RAD51B: variants seen among roughly 807,000 people sequenced by gnomAD.
The protein encoded by RAD51B is RAD51 paralog B.
RAD51B carries 38 observed loss-of-function variants against 42.2 expected under a neutral mutation model. The observed-to-expected ratio is 0.90, with a 90% CI of 0.70 to 1.18. RAD51B has a LOEUF of 1.18. Ranked by LOEUF, RAD51B falls within the 50% of genes most tolerant of loss-of-function variation. RAD51B has a pLI of 0.00. For missense variants in RAD51B, 373 were observed against 400.7 expected (o/e 0.93, Z 0.59); for synonymous variants, 154 against 145.2 (o/e 1.06, Z -0.43).
At chr14:68,223,886 A>G (rs1011443677) in intron 7 of RAD51B, among the ~76,000 whole-genome samples, 3 of 152,236 alleles carry the variant, frequency 2.0e-5, no homozygotes, top group Admixed American at 1.3e-4. Context: ...CTTAGCCAGC[A>G]GGGAGGGAGG....
intron 7 of RAD51B, among the ~76,000 whole-genome samples, chr14:68,082,181 C>T (rs373961154): frequency 1.3e-5 from 2 of 151,996 alleles, no homozygotes; most frequent in Non-Finnish European, 2.9e-5. Context: ...AGGATGGTCT[C>T]GATCTCCTGA....
At chr14:68,110,180 G>T (rs530750366) in intron 7 of RAD51B, among the ~76,000 whole-genome samples, 2 of 151,978 alleles carry the variant, frequency 1.3e-5, no homozygotes. Context: ...TAGGGACACA[G>T]CTGTCTGCAA....
chr14:68,062,645 C>T (rs1017869895), intron 7 of RAD51B, among the ~76,000 whole-genome samples: 9 of 151,444 alleles, frequency 5.9e-5, no homozygotes, highest in African/African-American at 1.9e-4. Context: ...AAAACAACAA[C>T]AAAATACAAA....
chr14:67,996,403 T>TAAC (rs1244333380), intron 7 of RAD51B, among the ~76,000 whole-genome samples: 1 of 145,686 alleles, frequency 6.9e-6, no homozygotes, highest in African/African-American at 2.6e-5. Context: ...TCTCAAAAAA[T>TAAC]AACAACAATA....
In RAD51B at chr14:67,868,210, G is replaced by A. The variant is rs774807815; in HGVS notation, c.452+3071G>A. ...CACTAGGGAGTGCCAAACAGTGGGC[G>A]CAGGTCAGTGGGTGCCCGCACCACA... On this transcript the variant is annotated intron_variant, in intron 5 of 10. Coordinates refer to ENST00000471583, the MANE Select transcript of RAD51B (RefSeq NM_133510.4). Among the ~76,000 whole-genome samples the A allele has an allele frequency of 7.2e-5, 11 of 152,278 alleles. No individual in the cohort carries two copies. In the East Asian group the frequency reaches 7.7e-4, roughly 11 times the overall value.
chr14:68,353,557 T>G (rs2082833761), intron 8 of RAD51B, among the ~76,000 whole-genome samples: 2 of 152,278 alleles, frequency 1.3e-5, no homozygotes, highest in South Asian at 2.1e-4. Context: ...CTTGGAAGAC[T>G]CAGACTGGCA....
At chr14:67,849,662 A>G (rs1444873420) in intron 4 of RAD51B, among the ~76,000 whole-genome samples, 6 of 152,146 alleles carry the variant, frequency 3.9e-5, no homozygotes, top group Non-Finnish European at 8.8e-5. Flanking sequence ...TGCTTGGTCT[A>G]GTCTGTTGAT....
intron 10 of RAD51B, among the ~76,000 whole-genome samples, chr14:68,622,656 C>G (rs1891974919): frequency 2.1e-5 from 3 of 145,810 alleles, no homozygotes; most frequent in African/African-American, 7.7e-5. Flanking sequence ...ACAAATATCT[C>G]TACATTTCCT....
intron 10 of RAD51B, among the ~76,000 whole-genome samples, chr14:68,576,777 T>A (rs1315085138): frequency 6.6e-6 from 1 of 152,084 alleles, no homozygotes; most frequent in African/African-American, 2.4e-5. Context: ...AAGGAAGGGG[T>A]CAGAGGTGAA....
intron 7 of RAD51B, among the ~76,000 whole-genome samples, chr14:68,008,512 C>T (rs1322925376): frequency 6.6e-6 from 1 of 151,874 alleles, no homozygotes; most frequent in African/African-American, 2.4e-5. Flanking sequence ...TATTTATTTT[C>T]TCCTTTATGT....
At chr14:68,578,154 G>A (rs1432796243) in intron 10 of RAD51B, among the ~76,000 whole-genome samples, 5 of 152,220 alleles carry the variant, frequency 3.3e-5, no homozygotes, top group Non-Finnish European at 5.9e-5. Context: ...GGCTGGGCGC[G>A]GTGGCTCATG....
chr14:68,494,877 A>G (rs1884382492), intron 10 of RAD51B, among the ~76,000 whole-genome samples: 1 of 152,014 alleles, frequency 6.6e-6, no homozygotes. Context: ...GGACAGAAAA[A>G]AATGGATCCA....
chr14:68,211,439 G>C (rs2079705857), intron 7 of RAD51B, among the ~76,000 whole-genome samples: 1 of 152,084 alleles, frequency 6.6e-6, no homozygotes, highest in African/African-American at 2.4e-5. Context: ...CACCTCTTTT[G>C]TGTTGCCAAC....
At chr14:68,668,926 A>T (rs545235800) in intron 11 of RAD51B, among the ~76,000 whole-genome samples, 1 of 152,304 alleles carries the variant, frequency 6.6e-6, no homozygotes, top group African/African-American at 2.4e-5. Flanking sequence ...TTCCCGAAAG[A>T]CCTTTTACAG....
chr14:68,544,996 G>A (rs1322885670), intron 10 of RAD51B, among the ~76,000 whole-genome samples: 2 of 152,214 alleles, frequency 1.3e-5, no homozygotes, highest in African/African-American at 4.8e-5. Context: ...CAGCAAAGGA[G>A]TTAGGTTTCA....
chr14:68,408,375 T>C (rs191105540), intron 8 of RAD51B, among the ~76,000 whole-genome samples: 5 of 152,306 alleles, frequency 3.3e-5, no homozygotes, highest in African/African-American at 1.2e-4. Context: ...CTTGCTTTGA[T>C]GATACTGAAT....
intron 10 of RAD51B, among the ~76,000 whole-genome samples, chr14:68,648,020 T>C (rs953720271): frequency 1.2e-4 from 11 of 91,204 alleles, no homozygotes; most frequent in Non-Finnish European, 1.5e-4. Context: ...TATATATATA[T>C]ACGTATATAT....
intron 7 of RAD51B, among the ~76,000 whole-genome samples, chr14:68,185,984 A>G (rs1297442760): frequency 6.6e-6 from 1 of 152,196 alleles, no homozygotes; most frequent in Non-Finnish European, 1.5e-5. Context: ...TGCAGTAAGC[A>G]AAACAGCATG....
intron 7 of RAD51B, among the ~76,000 whole-genome samples, chr14:67,912,790 C>G (rs1595098074): frequency 6.6e-6 from 1 of 151,784 alleles, no homozygotes; most frequent in African/African-American, 2.4e-5. Flanking sequence ...ACTGCAACCT[C>G]TGTCTCCCAG....
Sources: allele counts gnomAD v4.1 joint callset (sites outside exome capture counted in the v4.1 genomes callset), GRCh38; gene constraint gnomAD v4.1.1; transcripts MANE v1.5; gene names NCBI Gene and HGNC (gene_info 2026-07-23, HGNC 2026-07-21).